Variants in COL8A1 observed in about 807,000 individuals in gnomAD.
COL8A1 encodes the protein collagen type VIII alpha 1 chain.
Under a neutral mutation model 42.7 loss-of-function variants are expected in COL8A1, and 21 were observed. That is an observed-to-expected ratio of 0.49 (90% CI 0.35 to 0.71). The LOEUF is 0.71. Ranked by LOEUF, COL8A1 falls within the 30% of genes least tolerant of loss-of-function variation. COL8A1 has a pLI of 0.01. For synonymous variants in COL8A1, 367 were observed against 369.1 expected, an observed-to-expected ratio of 0.99 and a Z score of 0.06; for missense variants, 788 against 962.4, an observed-to-expected ratio of 0.82 and a Z score of 2.40.
At chr3:99,738,312 A>G (rs2107396871) in intron 1 of COL8A1, among the ~76,000 whole-genome samples, 1 of 152,200 alleles carries the variant, frequency 6.6e-6, no homozygotes, top group Non-Finnish European at 1.5e-5. Flanking sequence ...TGATTTTTAG[A>G]GTTTCCAGTT....
chr3:99,774,073 G>A (rs998378133), intron 2 of COL8A1, among the ~76,000 whole-genome samples: 1 of 150,234 alleles, frequency 6.7e-6, no homozygotes, highest in Non-Finnish European at 1.5e-5. Context: ...TCAAACTCCC[G>A]ATCTCAGGCA....
At chr3:99,646,621 A>G (rs1937647377) in intron 1 of COL8A1, among the ~76,000 whole-genome samples, 1 of 152,214 alleles carries the variant, frequency 6.6e-6, no homozygotes, top group Non-Finnish European at 1.5e-5. Flanking sequence ...GAAGGGCTCA[A>G]AGTATTTATA....
At chr3:99,697,702 T>G (rs1450242526) in intron 1 of COL8A1, among the ~76,000 whole-genome samples, 1 of 152,232 alleles carries the variant, frequency 6.6e-6, no homozygotes, top group African/African-American at 2.4e-5. Context: ...CAAGATTCAG[T>G]GCACCTGCTT....
At chr3:99,762,917 T>C (rs1941391286) in intron 2 of COL8A1, among the ~76,000 whole-genome samples, 1 of 152,150 alleles carries the variant, frequency 6.6e-6, no homozygotes, top group Non-Finnish European at 1.5e-5. Context: ...GGGTAGTACT[T>C]GGAGTTAATG....
chr3:99,795,758 C>T lies in COL8A1; in HGVS notation c.1857C>T (p.Thr619=), dbSNP rs115676498. 2,842 of 1,614,100 alleles carry T rather than the reference C, an allele frequency of 1.8e-3. 3 individuals are homozygous for T. Among genetic ancestry groups the T allele is most frequent in the Non-Finnish European group, 2.2e-3 (2,624 of 1,179,998 alleles). The part of the protein sequence containing the change: ...GGPAYEMPAF[T]AELTAPFPPV... The stretch of plus-strand genomic sequence containing the variant: ...CAGCCTATGAGATGCCTGCATTTAC[C>T]GCCGAGCTAACCGCACCTTTCCCAC... Residue 619 remains threonine (T), a synonymous_variant, in exon 4 of 4, where the codon ACC becomes ACT. Coordinates refer to ENST00000652472, the MANE Select transcript of COL8A1 (RefSeq NM_020351.4).
intron 1 of COL8A1, among the ~76,000 whole-genome samples, chr3:99,642,268 G>T (rs1937517574): frequency 2.0e-5 from 3 of 152,256 alleles, no homozygotes; most frequent in Non-Finnish European, 2.9e-5. Context: ...GAGGGAGAAG[G>T]TTCTTCATAG....
intron 1 of COL8A1, among the ~76,000 whole-genome samples, chr3:99,708,876 T>C (rs1007964754): frequency 1.3e-5 from 2 of 152,134 alleles, no homozygotes; most frequent in Admixed American, 1.3e-4. Context: ...TTTTCTTTCC[T>C]TTTTGGTATT....
intron 1 of COL8A1, among the ~76,000 whole-genome samples, chr3:99,664,766 C>G (rs1938312918): frequency 1.3e-5 from 2 of 152,188 alleles, no homozygotes; most frequent in Non-Finnish European, 2.9e-5. Context: ...TTTCCATCGA[C>G]TGAAGAATCT....
chr3:99,755,416 T>C (rs1280339991), intron 2 of COL8A1, among the ~76,000 whole-genome samples: 1 of 152,206 alleles, frequency 6.6e-6, no homozygotes, highest in Non-Finnish European at 1.5e-5. Context: ...GAGAATCTGC[T>C]ATGTGGCTGG....
At chr3:99,658,813 G>A (rs368308089) in intron 1 of COL8A1, among the ~76,000 whole-genome samples, 1 of 152,134 alleles carries the variant, frequency 6.6e-6, no homozygotes, top group South Asian at 2.1e-4. Flanking sequence ...TCTAAGACAG[G>A]CCCTTAGCAA....
rs1222959048 is a variant in COL8A1 at position 99,794,771 on chromosome 3, G to A, written c.870G>A (p.Gly290=). ...PGPQGPLGKP[G]APGEPGPQGP... The stretch of plus-strand genomic sequence containing the variant: ...CCCAGGGCCCCCTGGGAAAGCCAGG[G>A]GCTCCAGGAGAACCTGGGCCACAAG... Residue 290 remains glycine, a synonymous_variant, in exon 4 of 4, where the codon GGG becomes GGA. Transcript: ENST00000652472. The surrounding 1 kb of genome is among the most constrained non-coding windows in gnomAD (Gnocchi z 4.3). 2.5e-6 allele frequency: 4 copies of A among 1,597,714 alleles called. No homozygotes were observed. The Admixed American group carries it at 7.2e-5, about 29-fold the overall frequency.
chr3:99,653,770 C>A (rs1937925963), intron 1 of COL8A1, among the ~76,000 whole-genome samples: 1 of 151,070 alleles, frequency 6.6e-6, no homozygotes, highest in African/African-American at 2.4e-5. Flanking sequence ...TTTGATGCAT[C>A]AATAAATCTC....
chr3:99,667,206 A>G (rs1938393155), intron 1 of COL8A1, among the ~76,000 whole-genome samples: 1 of 152,134 alleles, frequency 6.6e-6, no homozygotes, highest in South Asian at 2.1e-4. Flanking sequence ...TGAGCTTCCT[A>G]AACTATTCCT....
At chr3:99,752,484 G>A (rs1414392847) in intron 2 of COL8A1, among the ~76,000 whole-genome samples, 3 of 151,796 alleles carry the variant, frequency 2.0e-5, no homozygotes, top group South Asian at 4.2e-4. Flanking sequence ...TGTATATTCT[G>A]ATCCCTCTCC....
At chr3:99,768,086 C>T (rs184918426) in intron 2 of COL8A1, among the ~76,000 whole-genome samples, 1 of 152,256 alleles carries the variant, frequency 6.6e-6, no homozygotes, top group East Asian at 1.9e-4. Context: ...GACAGTAAGG[C>T]AAATTATTGG....
chr3:99,796,231 C>T lies in COL8A1; in HGVS notation c.*95C>T, dbSNP rs756408759. On this transcript the variant is annotated 3_prime_UTR_variant, in exon 4 of 4. Coordinates refer to ENST00000652472, the MANE Select transcript of COL8A1 (RefSeq NM_020351.4). ...AATGAAAAACATAATTGCTTCAAAACACTTACACAGTTGGAAAGTTATATG... is the reference window on the plus strand; with the variant it reads ...AATGAAAAACATAATTGCTTCAAAATACTTACACAGTTGGAAAGTTATATG... The T allele has an allele frequency of 6.2e-5, 65 of 1,048,160 alleles. No homozygotes were observed. The highest frequency in any genetic ancestry group is 7.9e-5 in the Non-Finnish European group (60 of 758,974). The allele number at this position is 1,048,160 out of a possible 1,614,324, so 64.9% of individuals were successfully genotyped here.
chr3:99,706,192 G>A (rs1253143385), intron 1 of COL8A1, among the ~76,000 whole-genome samples: 1 of 152,128 alleles, frequency 6.6e-6, no homozygotes, highest in Admixed American at 6.5e-5. Flanking sequence ...GACCACACAG[G>A]TTTGTGTTTG....
chr3:99,737,862 C>G (rs1353583886), intron 1 of COL8A1, among the ~76,000 whole-genome samples: 1 of 151,684 alleles, frequency 6.6e-6, no homozygotes, highest in East Asian at 1.9e-4. Context: ...TTCAGGTACA[C>G]CAATCAGACG....
At chr3:99,726,420 A>T (rs1940327404) in intron 1 of COL8A1, among the ~76,000 whole-genome samples, 1 of 150,876 alleles carries the variant, frequency 6.6e-6, no homozygotes, top group Admixed American at 6.6e-5. Flanking sequence ...GTTTAATTAG[A>T]TCCCATTTGT....
Sources: allele counts gnomAD v4.1 joint callset (sites outside exome capture counted in the v4.1 genomes callset), GRCh38; gene constraint gnomAD v4.1.1; non-coding constraint Gnocchi (gnomAD v3.1); transcripts MANE v1.5; gene names NCBI Gene and HGNC (gene_info 2026-07-23, HGNC 2026-07-21).